The following PCBP3 variants were observed in gnomAD, a reference collection of about 807,000 sequenced individuals.
The protein encoded by PCBP3 is poly(rC)-binding protein 3.
PCBP3 carries 25 observed loss-of-function variants against 52.7 expected under a neutral mutation model. That is an observed-to-expected ratio of 0.47 (90% CI 0.35 to 0.66). The LOEUF is 0.66. Ranked by LOEUF, PCBP3 falls within the 30% of genes least tolerant of loss-of-function variation. The pLI, the probability that PCBP3 is intolerant of heterozygous loss-of-function variation, is 0.01. For synonymous variants in PCBP3, 162 were observed against 183.0 expected (o/e 0.89, Z 0.93); for missense variants, 391 against 490.3 (o/e 0.80, Z 1.91).
intron 4 of PCBP3, among the ~76,000 whole-genome samples, chr21:45,839,204 G>A (rs1419154554): frequency 2.0e-5 from 3 of 151,764 alleles, no homozygotes; most frequent in South Asian, 2.1e-4. Flanking sequence ...TTGACTTACT[G>A]TTATAAGCAG....
chr21:45,651,672 T>G (rs1478647729), intron 1 of PCBP3, among the ~76,000 whole-genome samples: 1 of 152,230 alleles, frequency 6.6e-6, no homozygotes, highest in African/African-American at 2.4e-5. Context: ...AAAATACTCA[T>G]CATGATAAAT....
At chr21:45,926,723 C>T (rs2075460836) in intron 13 of PCBP3, among the ~76,000 whole-genome samples, 1 of 152,178 alleles carries the variant, frequency 6.6e-6, no homozygotes, top group African/African-American at 2.4e-5. Context: ...AAAATCATTT[C>T]CCATGTGTCA....
intron 4 of PCBP3, chr21:45,836,449 G>A (rs912287772): frequency 6.6e-6 from 1 of 151,568 alleles, no homozygotes. Flanking sequence ...CCTCATCTCC[G>A]TGACAACGTC....
intron 5 of PCBP3, among the ~76,000 whole-genome samples, chr21:45,865,976 C>T (rs1354176127): frequency 2.0e-5 from 3 of 152,356 alleles, no homozygotes; most frequent in African/African-American, 7.2e-5. Flanking sequence ...CCCGCATGGA[C>T]TGGACCATCT....
At chr21:45,771,208 A>T (rs1306386600) in intron 4 of PCBP3, among the ~76,000 whole-genome samples, 1 of 152,164 alleles carries the variant, frequency 6.6e-6, no homozygotes, top group Non-Finnish European at 1.5e-5. Context: ...TTGTAACATT[A>T]AGTTTTTTGC....
chr21:45,710,130 G>C (rs1317760250), intron 2 of PCBP3, among the ~76,000 whole-genome samples: 2 of 152,170 alleles, frequency 1.3e-5, no homozygotes, highest in African/African-American at 2.4e-5. Flanking sequence ...TTTCTTCACT[G>C]TAAAGTGACT....
Position 45,786,526 on chromosome 21 carries a change from G to C in PCBP3, c.-126+31074G>C, listed in dbSNP as rs1361293204. Reference sequence around the variant, plus strand: ...GGCTGGTCTCGAACTCCTGATCTCGGGTAATCTGCCTGCTTTGGCCTCCCA... The same window carrying C: ...GGCTGGTCTCGAACTCCTGATCTCGCGTAATCTGCCTGCTTTGGCCTCCCA... On this transcript the variant is annotated intron_variant, in intron 4 of 17. Coordinates refer to ENST00000681687, the MANE Select transcript of PCBP3 (RefSeq NM_001384156.1). 2.0e-5 allele frequency among the ~76,000 whole-genome samples: 3 copies of C among 152,094 alleles called. No individual in the cohort carries two copies. In the East Asian group the frequency reaches 5.8e-4, roughly 29 times the overall value.
intron 1 of PCBP3, among the ~76,000 whole-genome samples, chr21:45,665,455 C>A (rs73376631): frequency 6.6e-6 from 1 of 151,886 alleles, no homozygotes; most frequent in African/African-American, 2.4e-5. Context: ...TTTTGTATCC[C>A]GAAACTCTAC....
At chr21:45,910,802 G>A (rs2096373006) in intron 10 of PCBP3, 100 bp from the exon 11 acceptor site, 3 of 1,219,872 alleles carry the variant, frequency 2.5e-6, no homozygotes, top group African/African-American at 3.0e-5. Context: ...GGTTTCCAAG[G>A]AAGTGTCCCC....
intron 4 of PCBP3, among the ~76,000 whole-genome samples, chr21:45,795,321 T>C (rs1350624133): frequency 1.3e-5 from 2 of 151,726 alleles, no homozygotes; most frequent in Non-Finnish European, 2.9e-5. Flanking sequence ...TTTTCTTTTT[T>C]TTTTTTTCCC....
intron 4 of PCBP3, among the ~76,000 whole-genome samples, chr21:45,775,148 T>G (rs1203391048): frequency 2.6e-5 from 4 of 152,208 alleles, no homozygotes; most frequent in African/African-American, 9.6e-5. Flanking sequence ...CCTGGACTTT[T>G]CTGTATTGGG....
At chr21:45,941,609 G>T in intron 17 of PCBP3, 61 bp from the exon 18 acceptor site, 1 of 1,503,904 alleles carries the variant, frequency 6.6e-7, no homozygotes, top group Non-Finnish European at 9.1e-7. Context: ...CCTCACGTCT[G>T]CCCACTGATG....
intron 5 of PCBP3, among the ~76,000 whole-genome samples, chr21:45,873,599 C>A (rs930685191): frequency 2.0e-5 from 3 of 152,100 alleles, no homozygotes; most frequent in Non-Finnish European, 4.4e-5. Flanking sequence ...CGCACAGCAC[C>A]CAAGTCCCCG....
intron 4 of PCBP3, among the ~76,000 whole-genome samples, chr21:45,779,025 C>A (rs1433994748): frequency 6.6e-6 from 1 of 152,224 alleles, no homozygotes; most frequent in East Asian, 1.9e-4. Context: ...TAGGCTGTGC[C>A]TCACTTGGTT....
At chr21:45,649,138 A>G (rs535609999) in intron 1 of PCBP3, among the ~76,000 whole-genome samples, 53 of 152,360 alleles carry the variant, frequency 3.5e-4, no homozygotes, top group Non-Finnish European at 6.2e-4. Context: ...GAGGCCTCAC[A>G]ATGATGGCGG....
chr21:45,873,656 C>T (rs2095128343), intron 5 of PCBP3, among the ~76,000 whole-genome samples: 1 of 152,196 alleles, frequency 6.6e-6, no homozygotes, highest in Non-Finnish European at 1.5e-5. Flanking sequence ...TATTCACCTG[C>T]CCGTGCAGGG....
In PCBP3 at chr21:45,646,083, T is replaced by TTC. The variant is rs1164554233; in HGVS notation, c.-279+2239_-279+2240dup. 6.7e-3 allele frequency among the ~76,000 whole-genome samples: 669 copies of TTC among 99,438 alleles called. 19 individuals carry two copies. The highest frequency in any genetic ancestry group is 0.023 in the African/African-American group (545 of 23,340). The allele number at this position is 99,438 out of a possible 152,430, so 65.2% of individuals were successfully genotyped here. ...TCTCTCTCTCTCTCTCTCTCTCTCT[T>TTC]TCTCTCTCTCTCTCTCTCTCTCTCT... On this transcript the variant is annotated intron_variant, in intron 1 of 17. Transcript: ENST00000681687.
chr21:45,679,962 A>G (rs1469887243), intron 2 of PCBP3, among the ~76,000 whole-genome samples: 2 of 152,206 alleles, frequency 1.3e-5, no homozygotes, highest in East Asian at 1.9e-4. Context: ...CTATCCTCTC[A>G]CCAGTTGCCT....
chr21:45,891,140 G>C (rs1039085249), intron 5 of PCBP3, among the ~76,000 whole-genome samples: 1 of 91,648 alleles, frequency 1.1e-5, no homozygotes, highest in African/African-American at 2.9e-5. Flanking sequence ...CTGGAACTCT[G>C]TGCACTGCTG....
Sources: gnomAD v4.1 joint callset for allele counts (sites outside exome capture counted in the v4.1 genomes callset) on GRCh38, gnomAD v4.1.1 for gene constraint, MANE v1.5 for transcripts, NCBI Gene and HGNC (gene_info 2026-07-23, HGNC 2026-07-21) for gene names.